Variants in ASTN2 observed in about 807,000 individuals in gnomAD.
ASTN2 encodes astrotactin 2.
Under a neutral mutation model 139.8 loss-of-function variants are expected in ASTN2, and 54 were observed. That is an observed-to-expected ratio of 0.39 (90% confidence interval 0.31 to 0.48). The LOEUF (loss-of-function observed/expected upper bound fraction) is 0.48. Ranked by LOEUF, ASTN2 falls within the 20% of genes least tolerant of loss-of-function variation. The probability of loss-of-function intolerance (pLI) is 0.95; values close to 1 mark genes in which losing one functional copy is unlikely to be tolerated. For missense variants in ASTN2, 1,565 were observed against 1,725.1 expected (o/e 0.91, Z 1.64); for synonymous variants, 756 against 719.5 (o/e 1.05, Z -0.81).
At chr9:117,180,973 G>T in intron 3 of ASTN2, 1 of 1,597,170 alleles carries the variant, frequency 6.3e-7, no homozygotes, top group Non-Finnish European at 8.5e-7. Context: ...CCTGGTCACA[G>T]TGCCCTGGGG....
rs1839222931 is a variant in ASTN2 at position 117,060,389 on chromosome 9, AGAAAGAAAGAAAGAAAGAAAGAAG to A, written c.1277-20448_1277-20425del. Among the ~76,000 whole-genome samples, 17 of 78,428 alleles carry A rather than the reference AGAAAGAAAGAAAGAAAGAAAGAAG, an allele frequency of 2.2e-4. 1 individual carries two copies. Among genetic ancestry groups the A allele is most frequent in the African/African-American group, 1.0e-3 (16 of 15,786 alleles). 51.5% of individuals were successfully genotyped at this position (78,428 alleles called of 152,430 possible). The stretch of plus-strand genomic sequence containing the variant: ...AAGAAAGAAAGAAAGAAAGAAAGAA[AGAAAGAAAGAAAGAAAGAAAGAAG>A]GAAAGGAAGGAAGGAAGGAAGAGAG... On this transcript the variant is annotated intron_variant, in intron 5 of 22. Transcript: ENST00000313400.
intron 5 of ASTN2, among the ~76,000 whole-genome samples, chr9:117,081,242 G>A (rs1023811902): frequency 1.3e-5 from 2 of 152,180 alleles, no homozygotes; most frequent in African/African-American, 4.8e-5. Flanking sequence ...CTGTTCTCAT[G>A]ACAAATGCCC....
chr9:117,349,075 G>T (rs762788031), intron 1 of ASTN2, among the ~76,000 whole-genome samples: 2 of 152,166 alleles, frequency 1.3e-5, no homozygotes, highest in African/African-American at 2.4e-5. Flanking sequence ...AAGCATGCCG[G>T]GAGGCCCATT....
rs151315719 is a variant in ASTN2 at position 116,913,053 on chromosome 9, G to T, written c.1890-49320C>A. Among the ~76,000 whole-genome samples, 393 of 152,196 alleles carry T rather than the reference G, an allele frequency of 2.6e-3. 2 individuals are homozygous for T. The highest frequency in any genetic ancestry group is 9.1e-3 in the African/African-American group (378 of 41,502). ...CAGGTAGCTGGGACTCCTGGCATGTGCCACGACACATGGCTAATTTTTGCA... is the reference window on the plus strand; with the variant it reads ...CAGGTAGCTGGGACTCCTGGCATGTTCCACGACACATGGCTAATTTTTGCA... On this transcript the variant is annotated intron_variant, in intron 10 of 22. Transcript: ENST00000313400.
chr9:116,775,816 G>C (rs1195853714), intron 13 of ASTN2, among the ~76,000 whole-genome samples: 1 of 142,932 alleles, frequency 7.0e-6, no homozygotes, highest in African/African-American at 2.6e-5. Flanking sequence ...AGGAAGAAAG[G>C]AAGGAAGAAA....
chr9:116,520,089 T>C (rs1320442749), intron 19 of ASTN2, among the ~76,000 whole-genome samples: 1 of 152,068 alleles, frequency 6.6e-6, no homozygotes, highest in Admixed American at 6.6e-5. Context: ...AAAGAAGAAT[T>C]GGTACCAATG....
chr9:116,494,716 A>G (rs962317593), intron 19 of ASTN2, among the ~76,000 whole-genome samples: 7 of 152,246 alleles, frequency 4.6e-5, no homozygotes, highest in Non-Finnish European at 8.8e-5. Context: ...AATTCAGTGA[A>G]TTGTGCTTTT....
At chr9:117,345,799 C>T (rs1829196229) in intron 1 of ASTN2, among the ~76,000 whole-genome samples, 1 of 152,068 alleles carries the variant, frequency 6.6e-6, no homozygotes, top group Non-Finnish European at 1.5e-5. Flanking sequence ...ACATACACTT[C>T]CCTAGTCCAC....
intron 16 of ASTN2, among the ~76,000 whole-genome samples, chr9:116,660,200 A>ACACACAT (rs1858478557): frequency 6.7e-6 from 1 of 149,288 alleles, no homozygotes; most frequent in Non-Finnish European, 1.5e-5. Flanking sequence ...ACACACACAC[A>ACACACAT]CACATTTGGG....
intron 19 of ASTN2, among the ~76,000 whole-genome samples, chr9:116,506,221 G>C (rs1587900236): frequency 6.6e-6 from 1 of 152,290 alleles, no homozygotes; most frequent in South Asian, 2.1e-4. Flanking sequence ...GAAACTCTGA[G>C]AGGCTGGCAA....
chr9:116,699,645 T>C lies in ASTN2; in HGVS notation c.2806+26126A>G. 1 of 1,614,196 alleles carries C rather than the reference T, an allele frequency of 6.2e-7. No individual in the cohort carries two copies. Among genetic ancestry groups the C allele is most frequent in the Middle Eastern group, 1.6e-4 (1 of 6,062 alleles). On this transcript the variant is annotated intron_variant, in intron 16 of 22. Coordinates refer to ENST00000313400, the MANE Select transcript of ASTN2 (RefSeq NM_001365068.1). This position sits in a 1 kb window ranked among gnomAD's most constrained non-coding sequence, Gnocchi z 4.2. ...TAAGGGGCAGCTGCTGGTCTTGGAC[T>C]GTTGGGATCATTGCATCAAGATCTA...
intron 16 of ASTN2, among the ~76,000 whole-genome samples, chr9:116,656,372 T>A (rs1345256497): frequency 8.5e-5 from 13 of 152,196 alleles, no homozygotes; most frequent in Non-Finnish European, 2.9e-5. Flanking sequence ...AACAGATGAA[T>A]AGCTGAGCAC....
intron 17 of ASTN2, among the ~76,000 whole-genome samples, chr9:116,623,271 A>C (rs16933758): frequency 6.6e-6 from 1 of 151,966 alleles, no homozygotes; most frequent in African/African-American, 2.4e-5. Context: ...TCTGGACTTC[A>C]TAAGTTTCAC....
At chr9:116,799,427 T>G (rs376683886) in intron 13 of ASTN2, among the ~76,000 whole-genome samples, 3 of 152,256 alleles carry the variant, frequency 2.0e-5, no homozygotes. Flanking sequence ...AATAAATCTC[T>G]CATGAGCTCC....
chr9:116,941,778 C>T (rs1005830669), intron 10 of ASTN2, among the ~76,000 whole-genome samples: 3 of 151,968 alleles, frequency 2.0e-5, no homozygotes, highest in Admixed American at 6.6e-5. Flanking sequence ...TCTTTGGAGG[C>T]TGATCATTGT....
intron 6 of ASTN2, among the ~76,000 whole-genome samples, chr9:117,034,860 A>G (rs951772022): frequency 2.0e-5 from 3 of 152,206 alleles, no homozygotes; most frequent in African/African-American, 7.2e-5. Flanking sequence ...AGAAGGGGTG[A>G]GATTTGCCAA....
intron 1 of ASTN2, among the ~76,000 whole-genome samples, chr9:117,374,784 C>T (rs1165100653): frequency 1.3e-5 from 2 of 152,134 alleles, no homozygotes; most frequent in Non-Finnish European, 2.9e-5. Context: ...GCTAGTTTCT[C>T]ACCAGGAGCA....
chr9:116,972,209 G>GT (rs35111042), intron 10 of ASTN2, among the ~76,000 whole-genome samples: 144,446 of 151,984 alleles, frequency 0.95, 69,081 homozygotes, highest in Non-Finnish European at 1. Context: ...AATGAAACTA[G>GT]TTTTTTTTGT....
chr9:116,891,576 G>A (rs1374270726), intron 10 of ASTN2, among the ~76,000 whole-genome samples: 1 of 152,218 alleles, frequency 6.6e-6, no homozygotes, highest in Non-Finnish European at 1.5e-5. Context: ...AAGTCCCATC[G>A]CTGGGAGTAT....
Sources: allele counts gnomAD v4.1 joint callset (sites outside exome capture counted in the v4.1 genomes callset), GRCh38; gene constraint gnomAD v4.1.1; non-coding constraint Gnocchi (gnomAD v3.1); transcripts MANE v1.5; gene names NCBI Gene and HGNC (gene_info 2026-07-23, HGNC 2026-07-21).